GNAQ: variants seen among roughly 807,000 people sequenced by gnomAD.
GNAQ encodes G protein subunit alpha q.
In GNAQ, 8 loss-of-function variants were observed where a neutral mutation model predicts 43.9. The ratio of observed to expected loss-of-function variants is 0.18; its 90% CI spans 0.11 to 0.33. GNAQ has a LOEUF of 0.33. Ranked by LOEUF, GNAQ falls within the 10% of genes least tolerant of loss-of-function variation. GNAQ has a pLI of 1.00. For synonymous variants in GNAQ, 155 were observed against 170.7 expected, an observed-to-expected ratio of 0.91 and a Z score of 0.71; for missense variants, 158 against 450.8, an observed-to-expected ratio of 0.35 and a Z score of 5.88.
chr9:77,953,604 T>C (rs1279112162), intron 1 of GNAQ, among the ~76,000 whole-genome samples: 4 of 152,214 alleles, frequency 2.6e-5, no homozygotes, highest in Admixed American at 2.6e-4. Flanking sequence ...CAAAAGGCAC[T>C]ACCAGGCAGT....
chr9:77,872,654 G>C (rs996779235), intron 2 of GNAQ, among the ~76,000 whole-genome samples: 1 of 152,142 alleles, frequency 6.6e-6, no homozygotes, highest in Non-Finnish European at 1.5e-5. Flanking sequence ...GCATGGAAGA[G>C]ATTATCTTCC....
At chr9:77,856,293 G>A (rs1357374464) in intron 2 of GNAQ, among the ~76,000 whole-genome samples, 1 of 152,140 alleles carries the variant, frequency 6.6e-6, no homozygotes, top group Admixed American at 6.6e-5. Flanking sequence ...AAAGCCAAGT[G>A]CAATACCCCA....
chr9:77,792,406 TTACTGTGGG>T (rs1162276202), intron 5 of GNAQ, among the ~76,000 whole-genome samples: 1 of 152,148 alleles, frequency 6.6e-6, no homozygotes, highest in Non-Finnish European at 1.5e-5. Context: ...GAATGTCAAG[TTACTGTGGG>T]AACTTTAATT....
chr9:77,873,853 C>T (rs906961246), intron 2 of GNAQ, among the ~76,000 whole-genome samples: 1 of 152,110 alleles, frequency 6.6e-6, no homozygotes, highest in Admixed American at 6.5e-5. Context: ...TGCCTGTAAT[C>T]CCAGCACTTT....
intron 2 of GNAQ, among the ~76,000 whole-genome samples, chr9:77,910,535 G>A (rs953069631): frequency 6.6e-6 from 1 of 152,130 alleles, no homozygotes; most frequent in African/African-American, 2.4e-5. Flanking sequence ...GTCATTCTGC[G>A]CAGGTTTGTC....
chr9:77,840,862 C>T (rs1328868855), intron 2 of GNAQ, among the ~76,000 whole-genome samples: 1 of 152,056 alleles, frequency 6.6e-6, no homozygotes, highest in African/African-American at 2.4e-5. Context: ...AGCCCAGGGT[C>T]ACAATTCATA....
chr9:77,883,975 A>G (rs1029116805), intron 2 of GNAQ, among the ~76,000 whole-genome samples: 2 of 152,240 alleles, frequency 1.3e-5, no homozygotes, highest in African/African-American at 4.8e-5. Flanking sequence ...TTAACTGAAG[A>G]CAAGAGGATG....
chr9:77,948,017 G>A (rs2118366824), intron 1 of GNAQ, among the ~76,000 whole-genome samples: 1 of 152,348 alleles, frequency 6.6e-6, no homozygotes, highest in Admixed American at 6.5e-5. Flanking sequence ...GAATGAACAT[G>A]TGTGAAGGTA....
At chr9:77,888,238 T>A (rs775356104) in intron 2 of GNAQ, among the ~76,000 whole-genome samples, 1 of 152,212 alleles carries the variant, frequency 6.6e-6, no homozygotes. Flanking sequence ...AGCTCATTAT[T>A]GGAATCCACG....
intron 1 of GNAQ, among the ~76,000 whole-genome samples, chr9:77,952,888 C>T (rs914271134): frequency 1.3e-5 from 2 of 151,966 alleles, no homozygotes; most frequent in African/African-American, 4.8e-5. Context: ...AAAACACTTC[C>T]AAAAAAGAAA....
At chr9:77,864,102 A>C (rs553022232) in intron 2 of GNAQ, among the ~76,000 whole-genome samples, 1 of 152,030 alleles carries the variant, frequency 6.6e-6, no homozygotes, top group South Asian at 2.1e-4. Context: ...TCAAGGCAGA[A>C]GGCAAAGGGA....
chr9:77,745,747 A>T (rs1265267649), intron 5 of GNAQ, among the ~76,000 whole-genome samples: 3 of 151,764 alleles, frequency 2.0e-5, no homozygotes, highest in Non-Finnish European at 2.9e-5. Context: ...TATTTAAAAA[A>T]TTTCAGAAAA....
intron 5 of GNAQ, among the ~76,000 whole-genome samples, chr9:77,780,274 T>C (rs1826373283): frequency 6.6e-6 from 1 of 151,926 alleles, no homozygotes; most frequent in Non-Finnish European, 1.5e-5. Flanking sequence ...TCCCTCCCCA[T>C]ACCCTTCTCA....
intron 2 of GNAQ, among the ~76,000 whole-genome samples, chr9:77,821,724 GGTGTGTGTGT>G (rs1554718670): frequency 3.5e-5 from 5 of 142,308 alleles, no homozygotes; most frequent in South Asian, 2.2e-4. Flanking sequence ...TCCTAGTATG[GGTGTGTGTGT>G]GTGTGTGTGT....
At chr9:77,744,327 CT>C (rs1272519056) in intron 5 of GNAQ, among the ~76,000 whole-genome samples, 1 of 152,228 alleles carries the variant, frequency 6.6e-6, no homozygotes, top group African/African-American at 2.4e-5. Flanking sequence ...CATTATTTGA[CT>C]GCATGCCTTC....
chr9:77,887,834 C>T (rs1010695225), intron 2 of GNAQ, among the ~76,000 whole-genome samples: 5 of 152,172 alleles, frequency 3.3e-5, no homozygotes, highest in African/African-American at 9.7e-5. Flanking sequence ...AGGCTTCTTT[C>T]TGTTGCACTC....
chr9:77,811,232 G>A (rs542079520), intron 3 of GNAQ, among the ~76,000 whole-genome samples: 4 of 152,028 alleles, frequency 2.6e-5, no homozygotes, highest in Admixed American at 2.0e-4. Flanking sequence ...ATTTCTGTAA[G>A]GTGATAATGA....
intron 2 of GNAQ, among the ~76,000 whole-genome samples, chr9:77,886,723 TAAAC>T (rs965503658): frequency 2.0e-5 from 3 of 151,640 alleles, no homozygotes; most frequent in East Asian, 3.9e-4. Flanking sequence ...ATCAAACAAA[TAAAC>T]AAAAAAACGC....
At chr9:78,030,456 C>T (rs1365410064) in intron 1 of GNAQ, 3 of 464,390 alleles carry the variant, frequency 6.5e-6, no homozygotes, top group African/African-American at 6.0e-5. Context: ...CTTGCCCTCC[C>T]GCCTCGCCCC....
Sources: gnomAD v4.1 joint callset for allele counts (sites outside exome capture counted in the v4.1 genomes callset) on GRCh38, gnomAD v4.1.1 for gene constraint, MANE v1.5 for transcripts, NCBI Gene and HGNC (gene_info 2026-07-23, HGNC 2026-07-21) for gene names.